The following KCNT2 variants were observed in gnomAD, a reference collection of about 807,000 sequenced individuals.
The protein encoded by KCNT2 is potassium sodium-activated channel subfamily T member 2.
In KCNT2, 67 loss-of-function variants were observed where a neutral mutation model predicts 153.8. The observed-to-expected ratio is 0.44, with a 90% CI of 0.36 to 0.53. The LOEUF is 0.53. KCNT2 is among the 20% of genes least tolerant of loss of function. The pLI is 0.00. For missense variants in KCNT2, 975 were observed against 1,354.8 expected, an observed-to-expected ratio of 0.72 and a Z score of 4.40; for synonymous variants, 500 against 458.8, an observed-to-expected ratio of 1.09 and a Z score of -1.15.
chr1:196,255,104 A>C (rs1425791793), intron 26 of KCNT2, among the ~76,000 whole-genome samples: 1 of 151,658 alleles, frequency 6.6e-6, no homozygotes, highest in Non-Finnish European at 1.5e-5. Flanking sequence ...CCATCAATAG[A>C]TAACAAAGAG....
intron 25 of KCNT2, among the ~76,000 whole-genome samples, chr1:196,265,291 C>T (rs1657434960): frequency 6.6e-6 from 1 of 152,074 alleles, no homozygotes; most frequent in African/African-American, 2.4e-5. Context: ...TTTTTCTGCC[C>T]ACTGGCAAGC....
chr1:196,510,888 C>G (rs1681556452), intron 1 of KCNT2, among the ~76,000 whole-genome samples: 1 of 152,072 alleles, frequency 6.6e-6, no homozygotes, highest in Non-Finnish European at 1.5e-5. Flanking sequence ...TATTAGATGC[C>G]TATTAATTTC....
At chr1:196,390,890 C>T (rs866706584) in intron 13 of KCNT2, among the ~76,000 whole-genome samples, 7,555 of 124,354 alleles carry the variant, frequency 0.061, 348 homozygotes, top group Non-Finnish European at 0.092. Flanking sequence ...CTCATTCATT[C>T]TTTTTTTTTT....
intron 14 of KCNT2, among the ~76,000 whole-genome samples, chr1:196,359,423 G>T (rs1021538680): frequency 6.6e-6 from 1 of 151,930 alleles, no homozygotes; most frequent in African/African-American, 2.4e-5. Context: ...GGAGTCTCAT[G>T]AGAGAGAGCA....
At chr1:196,364,138 G>T (rs1287894830) in intron 14 of KCNT2, among the ~76,000 whole-genome samples, 1 of 152,092 alleles carries the variant, frequency 6.6e-6, no homozygotes, top group Non-Finnish European at 1.5e-5. Flanking sequence ...CAATAGTATT[G>T]TATCAGTGTT....
intron 5 of KCNT2, among the ~76,000 whole-genome samples, 158 bp from the exon 6 acceptor site, chr1:196,469,226 T>C (rs1446224921): frequency 6.6e-6 from 1 of 152,142 alleles, no homozygotes; most frequent in Non-Finnish European, 1.5e-5. Context: ...TTAGAGATTA[T>C]TTTTCTTAGG....
chr1:196,293,859 CA>C (rs571759690), intron 22 of KCNT2, among the ~76,000 whole-genome samples: 32,709 of 115,020 alleles, frequency 0.28, 6,427 homozygotes, highest in African/African-American at 0.59. Context: ...TCTGCACAGT[CA>C]AAAAAAAAAA....
chr1:196,234,594 T>A (rs1654258783), intron 27 of KCNT2, among the ~76,000 whole-genome samples: 1 of 151,228 alleles, frequency 6.6e-6, no homozygotes, highest in Non-Finnish European at 1.5e-5. Flanking sequence ...TCAATTCTAT[T>A]GTTTTCTGCA....
intron 19 of KCNT2, among the ~76,000 whole-genome samples, chr1:196,320,453 AAT>A (rs1411170108): frequency 6.6e-6 from 1 of 151,896 alleles, no homozygotes; most frequent in African/African-American, 2.4e-5. Flanking sequence ...AAAAACAAAC[AAT>A]ATGTTATATT....
At chr1:196,435,133 G>GTATA (rs1428028008) in intron 8 of KCNT2, among the ~76,000 whole-genome samples, 22 of 87,872 alleles carry the variant, frequency 2.5e-4, no homozygotes, top group African/African-American at 8.6e-4. Context: ...ATGTGTGTGT[G>GTATA]TGTATGTATA....
chr1:196,294,155 T>C (rs564423851), intron 22 of KCNT2, among the ~76,000 whole-genome samples: 1 of 152,082 alleles, frequency 6.6e-6, no homozygotes, highest in South Asian at 2.1e-4. Flanking sequence ...CAATAAGATA[T>C]CACCTCATAC....
At chr1:196,258,024 T>C (rs1571821760) in intron 26 of KCNT2, 170 bp downstream of exon 26, 1 of 1,419,454 alleles carries the variant, frequency 7.0e-7, no homozygotes, top group Non-Finnish European at 9.2e-7. Context: ...TAGCATTTTA[T>C]CTTATCATCA....
intron 25 of KCNT2, among the ~76,000 whole-genome samples, chr1:196,267,802 C>T (rs994621599): frequency 4.6e-5 from 7 of 152,100 alleles, no homozygotes; most frequent in Non-Finnish European, 8.8e-5. Flanking sequence ...TCTGACATAG[C>T]CACCAAAGAC....
At chr1:196,230,978 T>C (rs1653899960) in intron 27 of KCNT2, among the ~76,000 whole-genome samples, 1 of 151,868 alleles carries the variant, frequency 6.6e-6, no homozygotes, top group Non-Finnish European at 1.5e-5. Flanking sequence ...CAGATAAATA[T>C]TGCATGAAAG....
chr1:196,568,780 CT>C (rs10566305), intron 1 of KCNT2, among the ~76,000 whole-genome samples: 118,340 of 145,024 alleles, frequency 0.82, 51,977 homozygotes, highest in East Asian at 0.98. Flanking sequence ...TAATAATGAG[CT>C]TTTTTTTTTT....
chr1:196,278,777 T>C (rs1375840285), intron 25 of KCNT2, among the ~76,000 whole-genome samples: 3 of 152,198 alleles, frequency 2.0e-5, no homozygotes, highest in Non-Finnish European at 4.4e-5. Flanking sequence ...ATGAAAGTCT[T>C]CTTTGTACTT....
intron 21 of KCNT2, among the ~76,000 whole-genome samples, chr1:196,313,995 G>T (rs1261208905): frequency 6.6e-6 from 1 of 151,516 alleles, no homozygotes; most frequent in Non-Finnish European, 1.5e-5. Flanking sequence ...TCTTCAGCTA[G>T]GTACTCAGAG....
intron 14 of KCNT2, among the ~76,000 whole-genome samples, chr1:196,348,821 T>C (rs957340317): frequency 6.6e-6 from 1 of 151,842 alleles, no homozygotes; most frequent in African/African-American, 2.4e-5. Flanking sequence ...ATGTCGGGGG[T>C]TTGAGACCAG....
intron 18 of KCNT2, among the ~76,000 whole-genome samples, chr1:196,327,304 T>A (rs1572049572): frequency 1.4e-5 from 2 of 147,630 alleles, no homozygotes; most frequent in Admixed American, 6.7e-5. Context: ...ATGAAGAAAA[T>A]AAAACAGTGA....
Sources: allele counts gnomAD v4.1 joint callset (sites outside exome capture counted in the v4.1 genomes callset), GRCh38; gene constraint gnomAD v4.1.1; transcripts MANE v1.5; gene names NCBI Gene and HGNC (gene_info 2026-07-23, HGNC 2026-07-21).